Variants in PSEN1 observed in about 807,000 individuals in gnomAD.
The protein encoded by PSEN1 is presenilin 1.
PSEN1 carries 15 observed loss-of-function variants against 53.5 expected under a neutral mutation model. That is an observed-to-expected ratio of 0.28 (90% CI 0.19 to 0.43). PSEN1 has a LOEUF of 0.43. PSEN1 is among the 20% of genes least tolerant of loss of function. The probability of loss-of-function intolerance (pLI) is 1.00; values close to 1 mark genes in which losing one functional copy is unlikely to be tolerated. For synonymous variants in PSEN1, 208 were observed against 209.8 expected (o/e 0.99, Z 0.08); for missense variants, 387 against 571.2 (o/e 0.68, Z 3.29).
chr14:73,156,684 A>T (rs1897364469), intron 3 of PSEN1, among the ~76,000 whole-genome samples: 1 of 150,688 alleles, frequency 6.6e-6, no homozygotes, highest in Non-Finnish European at 1.5e-5. Context: ...TTTTTTTGAG[A>T]TGGAGTCTTG....
chr14:73,195,021 T>C (rs759284725), intron 7 of PSEN1, among the ~76,000 whole-genome samples: 5 of 152,226 alleles, frequency 3.3e-5, no homozygotes, highest in Non-Finnish European at 7.3e-5. Context: ...TGTGGAACTA[T>C]AGAAGTCATA....
At chr14:73,183,797 T>G (rs1180309551) in intron 5 of PSEN1, among the ~76,000 whole-genome samples, 1 of 151,670 alleles carries the variant, frequency 6.6e-6, no homozygotes, top group Admixed American at 6.6e-5. Context: ...TGGCCCGTTC[T>G]CAATGAGCTG....
intron 3 of PSEN1, among the ~76,000 whole-genome samples, chr14:73,153,301 T>G (rs1594972222): frequency 6.6e-6 from 1 of 152,314 alleles, no homozygotes; most frequent in African/African-American, 2.4e-5. Flanking sequence ...GTAAAATCTC[T>G]TAGGCACAAA....
chr14:73,144,545 G>T (rs1387612042), intron 1 of PSEN1, among the ~76,000 whole-genome samples: 1 of 152,134 alleles, frequency 6.6e-6, no homozygotes, highest in Non-Finnish European at 1.5e-5. Context: ...GGCAGGTTTG[G>T]AGTTTTATAA....
rs1335018927 is a variant in PSEN1, at chr14:73,218,963, G to T, written c.1249-171G>T. On this transcript the variant is annotated intron_variant, in intron 11 of 11. Coordinates refer to ENST00000324501, the MANE Select transcript of PSEN1 (RefSeq NM_000021.4). ...ACCCTATGAAACAAACAAAAGCTAG[G>T]TTTTTTTCATAGCTCTTCTTCCAGA... Among the ~76,000 whole-genome samples, 6 of 152,186 alleles carry T rather than the reference G, an allele frequency of 3.9e-5. No individual in the cohort carries two copies. The East Asian group carries it at 1.2e-3, about 29-fold the overall frequency.
At chr14:73,206,992 C>T (rs1280509568) in intron 9 of PSEN1, among the ~76,000 whole-genome samples, 1 of 151,976 alleles carries the variant, frequency 6.6e-6, no homozygotes, top group African/African-American at 2.4e-5. Flanking sequence ...ATCAAATATT[C>T]TAGGTGGATA....
chr14:73,208,082 A>G (rs889333836), intron 9 of PSEN1, among the ~76,000 whole-genome samples: 2 of 152,238 alleles, frequency 1.3e-5, no homozygotes, highest in Admixed American at 1.3e-4. Flanking sequence ...TGGAGATGCC[A>G]GGAACTGCAG....
chr14:73,219,130 A>G lies in PSEN1; in HGVS notation c.1249-4A>G. ...AATGTGTGTCTTTCCCATCTTCTCC[A>G]CAGGGTTTGTGCCTTACATTATTAC... On this transcript the variant is annotated splice_polypyrimidine_tract_variant and splice_region_variant and intron_variant, in intron 11 of 11. Transcript: ENST00000324501. The G allele has an allele frequency of 6.2e-7, 1 of 1,613,878 alleles. No individual in the cohort carries two copies. Among genetic ancestry groups the G allele is most frequent in the East Asian group, 2.2e-5 (1 of 44,878 alleles).
intron 7 of PSEN1, among the ~76,000 whole-genome samples, chr14:73,195,993 A>AC (rs1898925214): frequency 6.6e-6 from 1 of 151,950 alleles, no homozygotes. Flanking sequence ...TTTACCATCA[A>AC]CCCTCCATTC....
At chr14:73,180,378 A>C (rs1334645121) in intron 5 of PSEN1, among the ~76,000 whole-genome samples, 1 of 152,214 alleles carries the variant, frequency 6.6e-6, no homozygotes, top group Admixed American at 6.5e-5. Flanking sequence ...TTAATGTTCA[A>C]GTCTTAGCAC....
intron 1 of PSEN1, among the ~76,000 whole-genome samples, chr14:73,144,587 A>C (rs148143836): frequency 5.9e-5 from 9 of 152,026 alleles, no homozygotes; most frequent in African/African-American, 2.2e-4. Context: ...GTGAATTCCA[A>C]CTCCTCACTT....
chr14:73,202,419 TATATATATATATATATATATATATATA>T (rs1899233616), intron 8 of PSEN1, among the ~76,000 whole-genome samples: 1 of 20,626 alleles, frequency 4.8e-5, no homozygotes, highest in African/African-American at 1.5e-4. Context: ...TATCACATAC[TATATATATATATATATATATATATATA>T]TATATATATA....
rs1159332492 is a variant in PSEN1, at chr14:73,221,750, C to T, written c.*2461C>T. 1.3e-5 allele frequency: 2 copies of T among 152,160 alleles called. No homozygotes were observed. The highest frequency in any genetic ancestry group is 1.3e-4 in the Admixed American group (2 of 15,268). The allele number at this position is 152,160 out of a possible 1,614,324, so 9.4% of individuals were successfully genotyped here. ...GCAGAGAACTTTTCCCTCAAACATT[C>T]TTTTTAGAATTAGTTCAGTCATTCC... is the stretch of plus-strand genomic sequence containing the variant. On this transcript the variant is annotated 3_prime_UTR_variant, in exon 12 of 12. Transcript: ENST00000324501.
At chr14:73,203,423 T>C (rs1294637511) in intron 8 of PSEN1, among the ~76,000 whole-genome samples, 2 of 152,148 alleles carry the variant, frequency 1.3e-5, no homozygotes, top group East Asian at 1.9e-4. Flanking sequence ...TAAGAATTTT[T>C]TCTTACATTT....
intron 3 of PSEN1, among the ~76,000 whole-genome samples, chr14:73,153,854 C>T (rs75233854): frequency 0.056 from 8,502 of 151,560 alleles, 325 homozygotes; most frequent in Non-Finnish European, 0.089. Flanking sequence ...TTGGGATTAA[C>T]AGGGTTGTGC....
intron 1 of PSEN1, among the ~76,000 whole-genome samples, chr14:73,142,107 TA>T (rs1382508573): frequency 6.6e-6 from 1 of 151,712 alleles, no homozygotes; most frequent in Non-Finnish European, 1.5e-5. Flanking sequence ...TCAATAATAA[TA>T]ATAATTTCAA....
At chr14:73,158,013 G>C (rs1293497179) in intron 3 of PSEN1, among the ~76,000 whole-genome samples, 2 of 151,916 alleles carry the variant, frequency 1.3e-5, no homozygotes, top group Admixed American at 6.6e-5. Context: ...ACAGACTCTT[G>C]TCTGGCTTCT....
intron 3 of PSEN1, among the ~76,000 whole-genome samples, chr14:73,166,252 C>A (rs1897714883): frequency 1.3e-5 from 2 of 152,106 alleles, no homozygotes; most frequent in Non-Finnish European, 2.9e-5. Flanking sequence ...TCTGAATGAG[C>A]ATATGATTGC....
chr14:73,158,094 A>G (rs1897415973), intron 3 of PSEN1, among the ~76,000 whole-genome samples: 1 of 152,030 alleles, frequency 6.6e-6, no homozygotes, highest in Non-Finnish European at 1.5e-5. Context: ...GTTGTATACC[A>G]CAGTTTTTGA....
Sources: gnomAD v4.1 joint callset for allele counts (sites outside exome capture counted in the v4.1 genomes callset) on GRCh38, gnomAD v4.1.1 for gene constraint, MANE v1.5 for transcripts, NCBI Gene and HGNC (gene_info 2026-07-23, HGNC 2026-07-21) for gene names.